Variants in MFSD6 observed in about 807,000 individuals in gnomAD.
The protein encoded by MFSD6 is major facilitator superfamily domain containing 6.
A neutral mutation model predicts 56.3 loss-of-function variants in MFSD6; 26 were observed. The ratio of observed to expected loss-of-function variants is 0.46; its 90% CI spans 0.34 to 0.64. MFSD6 has a LOEUF of 0.64. Among genes scored for constraint, MFSD6 ranks in the 30% least tolerant of loss-of-function variants. The probability of loss-of-function intolerance (pLI) is 0.01; values close to 1 mark genes in which losing one functional copy is unlikely to be tolerated. For synonymous variants in MFSD6, 331 were observed against 366.9 expected, an observed-to-expected ratio of 0.90 and a Z score of 1.12; for missense variants, 750 against 986.2, an observed-to-expected ratio of 0.76 and a Z score of 3.21.
intron 3 of MFSD6, among the ~76,000 whole-genome samples, chr2:190,448,518 A>G (rs1686663842): frequency 6.6e-6 from 1 of 152,234 alleles, no homozygotes; most frequent in South Asian, 2.1e-4. Flanking sequence ...CCAACATGGA[A>G]AGCTGTCAAC....
intron 4 of MFSD6, among the ~76,000 whole-genome samples, chr2:190,481,811 T>C (rs186359833): frequency 1.3e-5 from 2 of 152,338 alleles, no homozygotes; most frequent in East Asian, 3.9e-4. Context: ...CTTTCTTTCG[T>C]GCAGCACACA....
intron 3 of MFSD6, among the ~76,000 whole-genome samples, chr2:190,442,317 A>G (rs1032593692): frequency 6.6e-6 from 1 of 152,164 alleles, no homozygotes; most frequent in African/African-American, 2.4e-5. Flanking sequence ...AGTAAGATGC[A>G]GGGGCTGAAT....
In MFSD6 at chr2:190,469,057, T is replaced by G. The variant is rs1013307803; in HGVS notation, c.1533-701T>G. 2.0e-5 allele frequency among the ~76,000 whole-genome samples: 3 copies of G among 152,178 alleles called. No homozygotes were observed. The highest frequency in any genetic ancestry group is 7.2e-5 in the African/African-American group (3 of 41,440). ...AGGCCTTTGCTTATTTTCTTTCTAC[T>G]TATACTTTTGGCAGCGGTAATGGTG... On this transcript the variant is annotated intron_variant, in intron 3 of 7. Transcript: ENST00000392328. This position sits in a 1 kb window ranked among gnomAD's most constrained non-coding sequence, Gnocchi z 5.3.
At position 190,444,663 on chromosome 2, in the gene MFSD6, C is replaced by T. The variant is rs115025100; in HGVS notation, c.1532+7102C>T. Among the ~76,000 whole-genome samples the T allele has an allele frequency of 7.9e-3, 1,200 of 152,212 alleles. 7 individuals carry two copies. The highest frequency in any genetic ancestry group is 0.026 in the African/African-American group (1,087 of 41,532). On this transcript the variant is annotated intron_variant, in intron 3 of 7. Coordinates refer to ENST00000392328, the MANE Select transcript of MFSD6 (RefSeq NM_017694.4). Reference sequence around the variant, plus strand: ...AACCATGGCAAAGCACTAAAGAAAACAAACATAAAGCCACACTGTAACTCC... The same window carrying T: ...AACCATGGCAAAGCACTAAAGAAAATAAACATAAAGCCACACTGTAACTCC...
chr2:190,419,664 T>G (rs1205915800), intron 2 of MFSD6, among the ~76,000 whole-genome samples: 1 of 152,282 alleles, frequency 6.6e-6, no homozygotes, highest in Non-Finnish European at 1.5e-5. Flanking sequence ...GAATCCATTT[T>G]CATACTCTCA....
chr2:190,459,687 A>G lies in MFSD6; in HGVS notation c.1533-10071A>G, dbSNP rs1687222884. ...GGAGAGATATAAACATGGTCACAGC[A>G]CAGTGACCAGCACAGTGATCCTGCT... On this transcript the variant is annotated intron_variant, in intron 3 of 7. Transcript: ENST00000392328. The surrounding 1 kb of genome is among the most constrained non-coding windows in gnomAD (Gnocchi z 5.3). Among the ~76,000 whole-genome samples, 1 of 152,226 alleles carries G rather than the reference A, an allele frequency of 6.6e-6. No homozygotes were observed. The highest frequency in any genetic ancestry group is 2.4e-5 in the African/African-American group (1 of 41,466).
chr2:190,468,074 T>C (rs1355011614), intron 3 of MFSD6, among the ~76,000 whole-genome samples: 1 of 152,214 alleles, frequency 6.6e-6, no homozygotes, highest in African/African-American at 2.4e-5. Flanking sequence ...TGTGTTCATG[T>C]AGTATATTTT....
chr2:190,496,712 A>G lies in MFSD6; in HGVS notation c.1892-727A>G, dbSNP rs766160859. 1.3e-5 allele frequency among the ~76,000 whole-genome samples: 2 copies of G among 152,160 alleles called. No homozygotes were observed. The highest frequency in any genetic ancestry group is 2.4e-5 in the African/African-American group (1 of 41,428). ...CACACACACATATACATACATACAC[A>G]ATGGAATACTACTCAGCCATAAAAA... On this transcript the variant is annotated intron_variant, in intron 6 of 7. Coordinates refer to ENST00000392328, the MANE Select transcript of MFSD6 (RefSeq NM_017694.4). The surrounding 1 kb of genome is among the most constrained non-coding windows in gnomAD (Gnocchi z 4.7).
rs929372893 is a variant in MFSD6, at chr2:190,462,012, A to C, written c.1533-7746A>C. On this transcript the variant is annotated intron_variant, in intron 3 of 7. Transcript: ENST00000392328. This position sits in a 1 kb window ranked among gnomAD's most constrained non-coding sequence, Gnocchi z 5.7. ...TTATTATGTGATTATTAGGAAGTAC[A>C]TAACTCACTATACGAACTCAAAATC... Among the ~76,000 whole-genome samples, 1 of 152,180 alleles carries C rather than the reference A, an allele frequency of 6.6e-6. No individual in the cohort carries two copies. Among genetic ancestry groups the C allele is most frequent in the Non-Finnish European group, 1.5e-5 (1 of 68,040 alleles).
At chr2:190,473,344 C>A (rs1389323521) in intron 4 of MFSD6, among the ~76,000 whole-genome samples, 1 of 152,282 alleles carries the variant, frequency 6.6e-6, no homozygotes, top group East Asian at 1.9e-4. Flanking sequence ...GGAAACCCAT[C>A]TCACGTGCAG....
intron 4 of MFSD6, among the ~76,000 whole-genome samples, chr2:190,481,000 AGC>A (rs940131371): frequency 6.6e-5 from 10 of 152,352 alleles, no homozygotes; most frequent in Admixed American, 6.5e-4. Context: ...TAATGACCAA[AGC>A]GTAAGGGAAA....
chr2:190,411,966 T>C, intron 1 of MFSD6: 1 of 985,236 alleles, frequency 1.0e-6, no homozygotes, highest in South Asian at 4.7e-5. Flanking sequence ...AAGGTAGGAG[T>C]TGGAGAAACC....
chr2:190,464,142 G>C (rs1687475834), intron 3 of MFSD6, among the ~76,000 whole-genome samples: 1 of 152,206 alleles, frequency 6.6e-6, no homozygotes. Flanking sequence ...ATGCATTGGT[G>C]TGCGTGCATC....
At chr2:190,483,447 G>GA (rs1218150686) in intron 4 of MFSD6, among the ~76,000 whole-genome samples, 1 of 152,022 alleles carries the variant, frequency 6.6e-6, no homozygotes, top group Non-Finnish European at 1.5e-5. Flanking sequence ...GGAAAATGAA[G>GA]AAAAAATAGT....
Position 190,471,287 on chromosome 2 carries a change from C to T in MFSD6, c.1630+1432C>T, listed in dbSNP as rs1239408612. Among the ~76,000 whole-genome samples the T allele has an allele frequency of 6.6e-6, 1 of 152,108 alleles. No individual in the cohort carries two copies. The highest frequency in any genetic ancestry group is 2.4e-5 in the African/African-American group (1 of 41,414). ...GCGGTGAGCGTGAGCTGAAGCAGGG[C>T]GAGGCATCACCTCACCCAGGAAGCA... On this transcript the variant is annotated intron_variant, in intron 4 of 7. Coordinates refer to ENST00000392328, the MANE Select transcript of MFSD6 (RefSeq NM_017694.4). This position sits in a 1 kb window ranked among gnomAD's most constrained non-coding sequence, Gnocchi z 4.7.
chr2:190,470,012 G>A (rs1687827059), intron 4 of MFSD6, among the ~76,000 whole-genome samples, 157 bp downstream of exon 4: 1 of 152,124 alleles, frequency 6.6e-6, no homozygotes. Context: ...ACATCAGGAG[G>A]GATGGTTCCT....
At chr2:190,479,070 C>T (rs1688512656) in intron 4 of MFSD6, among the ~76,000 whole-genome samples, 1 of 152,140 alleles carries the variant, frequency 6.6e-6, no homozygotes, top group Admixed American at 6.5e-5. Context: ...TGATTGTCCT[C>T]TCAGGCCATG....
In MFSD6 at chr2:190,423,417, C is replaced by A. The variant is rs1308867861; in HGVS notation, c.-54+8004C>A. The stretch of plus-strand genomic sequence containing the variant: ...TGTTTTGAGATAGGATTTTTTCATT[C>A]TATAATTATCTGGAAATTTATCCAG... On this transcript the variant is annotated intron_variant, in intron 2 of 7. Transcript: ENST00000392328. This position sits in a 1 kb window ranked among gnomAD's most constrained non-coding sequence, Gnocchi z 4.3. Among the ~76,000 whole-genome samples, 1 of 152,130 alleles carries A rather than the reference C, an allele frequency of 6.6e-6. No homozygotes were observed. Among genetic ancestry groups the A allele is most frequent in the Non-Finnish European group, 1.5e-5 (1 of 68,022 alleles).
In MFSD6 at chr2:190,488,633, C is replaced by A; in HGVS notation, c.1631-24C>A. The A allele has an allele frequency of 2.1e-6, 3 of 1,423,446 alleles. No homozygotes were observed. Among genetic ancestry groups the A allele is most frequent in the Admixed American group, 2.7e-5 (1 of 37,186 alleles). The allele number at this position is 1,423,446 out of a possible 1,614,324, so 88.2% of individuals were successfully genotyped here. A position where few individuals can be genotyped will look rare whatever the true frequency, so the allele number is the denominator to read the frequency against. ...CCTAAGAAATGCTAACCAACTAATC[C>A]CTCCTGCTCTTCTTCCTCTCCAGGA... On this transcript the variant is annotated intron_variant, in intron 4 of 7. Coordinates refer to ENST00000392328, the MANE Select transcript of MFSD6 (RefSeq NM_017694.4). The surrounding 1 kb of genome is among the most constrained non-coding windows in gnomAD (Gnocchi z 6.4).
Sources: gnomAD v4.1 joint callset for allele counts (sites outside exome capture counted in the v4.1 genomes callset) on GRCh38, gnomAD v4.1.1 for gene constraint, Gnocchi (gnomAD v3.1) non-coding constraint, MANE v1.5 for transcripts, NCBI Gene and HGNC (gene_info 2026-07-23, HGNC 2026-07-21) for gene names.